CHRM3: variants seen among roughly 807,000 people sequenced by gnomAD.
CHRM3 encodes the protein muscarinic acetylcholine receptor M3.
CHRM3 carries 11 observed loss-of-function variants against 41.8 expected under a neutral mutation model. That is an observed-to-expected ratio of 0.26 (90% CI 0.17 to 0.44). CHRM3 has a LOEUF of 0.44. CHRM3 is among the 20% of genes least tolerant of loss of function. The pLI is 1.00. For missense variants in CHRM3, 571 were observed against 745.4 expected (o/e 0.77, Z 2.72); for synonymous variants, 297 against 301.4 (o/e 0.99, Z 0.15).
chr1:239,405,959 T>A (rs1660560173), intron 1 of CHRM3, among the ~76,000 whole-genome samples: 1 of 152,182 alleles, frequency 6.6e-6, no homozygotes, highest in Non-Finnish European at 1.5e-5. Flanking sequence ...CTCAGCTCAC[T>A]GCAATCACTG....
intron 1 of CHRM3, among the ~76,000 whole-genome samples, chr1:239,438,048 A>C (rs2103228764): frequency 6.6e-6 from 1 of 152,336 alleles, no homozygotes; most frequent in African/African-American, 2.4e-5. Flanking sequence ...ATGGAACCAC[A>C]GACTCTAAAG....
chr1:239,576,393 A>G (rs923688610), intron 3 of CHRM3, among the ~76,000 whole-genome samples: 1 of 152,106 alleles, frequency 6.6e-6, no homozygotes, highest in African/African-American at 2.4e-5. Flanking sequence ...CTTACTGAAA[A>G]TTGGGAATGA....
intron 4 of CHRM3, among the ~76,000 whole-genome samples, chr1:239,655,099 A>G (rs1484395728): frequency 2.6e-5 from 4 of 152,220 alleles, no homozygotes; most frequent in African/African-American, 9.6e-5. Flanking sequence ...GTTCTCGTGC[A>G]GCGAAAGAGG....
At chr1:239,672,624 A>ATGT (rs1674493770) in intron 4 of CHRM3, among the ~76,000 whole-genome samples, 1 of 151,588 alleles carries the variant, frequency 6.6e-6, no homozygotes, top group South Asian at 2.1e-4. Flanking sequence ...ACACACACAC[A>ATGT]CACACAGAAA....
At chr1:239,427,322 A>G (rs1662468262) in intron 1 of CHRM3, among the ~76,000 whole-genome samples, 1 of 152,176 alleles carries the variant, frequency 6.6e-6, no homozygotes, top group Non-Finnish European at 1.5e-5. Context: ...ACTAGCAACC[A>G]CAGACAGCCA....
At chr1:239,633,364 T>G (rs2148879923) in intron 4 of CHRM3, among the ~76,000 whole-genome samples, 1 of 152,184 alleles carries the variant, frequency 6.6e-6, no homozygotes, top group Admixed American at 6.5e-5. Context: ...ACTCCCTCAC[T>G]ATCATGATAA....
chr1:239,717,731 ACACAACAAAGAAC>A (rs1662530035), intron 5 of CHRM3, among the ~76,000 whole-genome samples: 1 of 152,044 alleles, frequency 6.6e-6, no homozygotes. Context: ...ATTCAGCCAC[ACACAACAAAGAAC>A]CAGATCCCTC....
intron 5 of CHRM3, among the ~76,000 whole-genome samples, chr1:239,799,755 C>A (rs564899628): frequency 1.3e-5 from 2 of 152,314 alleles, no homozygotes; most frequent in South Asian, 2.1e-4. Context: ...AACTGCTTCA[C>A]ACAGCCCTGT....
At chr1:239,399,684 C>T (rs79942675) in intron 1 of CHRM3, among the ~76,000 whole-genome samples, 7,138 of 151,954 alleles carry the variant, frequency 0.047, 277 homozygotes, top group East Asian at 0.21. Context: ...ATTTTCTTCT[C>T]TTTTAAGCGT....
At chr1:239,819,016 G>T (rs1354440290) in intron 5 of CHRM3, among the ~76,000 whole-genome samples, 1 of 152,168 alleles carries the variant, frequency 6.6e-6, no homozygotes, top group Non-Finnish European at 1.5e-5. Context: ...GGCCTGGTCT[G>T]CTGGGGCCTA....
intron 4 of CHRM3, among the ~76,000 whole-genome samples, chr1:239,657,399 A>C (rs1164950149): frequency 2.0e-5 from 3 of 152,218 alleles, no homozygotes; most frequent in Non-Finnish European, 4.4e-5. Flanking sequence ...TGAAACTGAG[A>C]GAGACCAAAG....
chr1:239,569,919 T>C (rs569627276), intron 3 of CHRM3, among the ~76,000 whole-genome samples: 68 of 152,318 alleles, frequency 4.5e-4, no homozygotes, highest in African/African-American at 1.4e-3. Flanking sequence ...TGGTATTTCA[T>C]TGATATAACT....
chr1:239,526,331 A>G (rs1320334004), intron 2 of CHRM3, among the ~76,000 whole-genome samples: 1 of 152,156 alleles, frequency 6.6e-6, no homozygotes, highest in Non-Finnish European at 1.5e-5. Context: ...GTAGAGTGAA[A>G]TCTTACTTTC....
intron 2 of CHRM3, among the ~76,000 whole-genome samples, chr1:239,515,971 TA>T (rs1431747651): frequency 1.3e-5 from 2 of 152,248 alleles, no homozygotes; most frequent in Admixed American, 6.5e-5. Flanking sequence ...TAGGATATTA[TA>T]CCCCTGGTAA....
chr1:239,609,150 C>G (rs1038373660), intron 3 of CHRM3, among the ~76,000 whole-genome samples: 1 of 152,172 alleles, frequency 6.6e-6, no homozygotes, highest in Admixed American at 6.5e-5. Context: ...TTCTACCTCC[C>G]ACCATCATTT....
At chr1:239,872,847 A>G (rs1433776894) in intron 6 of CHRM3, among the ~76,000 whole-genome samples, 2 of 152,200 alleles carry the variant, frequency 1.3e-5, no homozygotes, top group African/African-American at 2.4e-5. Context: ...AATCCCTCAG[A>G]GCATAAAGCC....
intron 6 of CHRM3, among the ~76,000 whole-genome samples, chr1:239,862,450 T>C (rs963393846): frequency 1.3e-5 from 2 of 152,136 alleles, no homozygotes; most frequent in African/African-American, 4.8e-5. Context: ...ACCTTAGAAG[T>C]CATTACATGA....
chr1:239,469,169 T>A (rs1665935591), intron 1 of CHRM3, among the ~76,000 whole-genome samples: 2 of 152,198 alleles, frequency 1.3e-5, no homozygotes, highest in Admixed American at 1.3e-4. Context: ...TCCCCTGAAA[T>A]TAGTTTATTT....
In CHRM3 at chr1:239,640,498, G is replaced by A. The variant is rs1671001670; in HGVS notation, c.-250+8212G>A. Among the ~76,000 whole-genome samples, 7 of 152,294 alleles carry A rather than the reference G, an allele frequency of 4.6e-5. No homozygotes were observed. In the South Asian group the frequency reaches 1.5e-3, roughly 32 times the overall value. ...TTCTTCGTGGTTTAGTCTTGGGAGGGTGTATGTGTCGAGGAATTTATCCAT... is the reference window on the plus strand; with the variant it reads ...TTCTTCGTGGTTTAGTCTTGGGAGGATGTATGTGTCGAGGAATTTATCCAT... On this transcript the variant is annotated intron_variant, in intron 4 of 6. Transcript: ENST00000676153.
Sources: allele counts gnomAD v4.1 joint callset (sites outside exome capture counted in the v4.1 genomes callset), GRCh38; gene constraint gnomAD v4.1.1; transcripts MANE v1.5; gene names NCBI Gene and HGNC (gene_info 2026-07-23, HGNC 2026-07-21).